The following HNRNPUL1 variants were observed in gnomAD, a reference collection of about 807,000 sequenced individuals.
The protein encoded by HNRNPUL1 is heterogeneous nuclear ribonucleoprotein U like 1.
HNRNPUL1 carries 14 observed loss-of-function variants against 108.5 expected under a neutral mutation model. That is an observed-to-expected ratio of 0.13 (90% CI 0.09 to 0.20). HNRNPUL1 has a LOEUF of 0.20. Ranked by LOEUF, HNRNPUL1 falls within the 10% of genes least tolerant of loss-of-function variation. The probability of loss-of-function intolerance (pLI) is 1.00; values close to 1 mark genes in which losing one functional copy is unlikely to be tolerated. For synonymous variants in HNRNPUL1, 422 were observed against 445.2 expected (o/e 0.95, Z 0.66); for missense variants, 804 against 1,168.3 (o/e 0.69, Z 4.55).
At chr19:41,301,844 C>T (rs2037229989) in intron 11 of HNRNPUL1, 140 bp downstream of exon 11, 1 of 766,112 alleles carries the variant, frequency 1.3e-6, no homozygotes, top group Non-Finnish European at 2.0e-6. Flanking sequence ...TTTGTCCCTT[C>T]CTTGTCTACC....
chr19:41,265,469 A>G lies in HNRNPUL1; in HGVS notation c.295+671A>G. 7 of 1,221,676 alleles carry G rather than the reference A, an allele frequency of 5.7e-6. No homozygotes were observed. The South Asian group carries it at 1.1e-4, about 20-fold the overall frequency. 75.7% of individuals were successfully genotyped at this position (1,221,676 alleles called of 1,614,324 possible). A position where few individuals can be genotyped will look rare whatever the true frequency, so the allele number is the denominator to read the frequency against. On this transcript the variant is annotated intron_variant, in intron 1 of 14. Coordinates refer to ENST00000392006, the MANE Select transcript of HNRNPUL1 (RefSeq NM_007040.6). ...GCTGCGGGAGATTGAACTAGGGGGC[A>G]CCCCCATCTCTCTTCCGGGGCTGGA... is the stretch of plus-strand genomic sequence containing the variant.
In HNRNPUL1 at chr19:41,292,887, C is replaced by G. The variant is rs1568451090; in HGVS notation, c.1266+376C>G. On this transcript the variant is annotated intron_variant, in intron 8 of 14. Coordinates refer to ENST00000392006, the MANE Select transcript of HNRNPUL1 (RefSeq NM_007040.6). This position sits in a 1 kb window ranked among gnomAD's most constrained non-coding sequence, Gnocchi z 4.1. ...AGAGACAGGGTCTCGCTCTGTCACC[C>G]AGGCTGGAGTGCAGTGGTGCGATCA... Among the ~76,000 whole-genome samples, 1 of 152,084 alleles carries G rather than the reference C, an allele frequency of 6.6e-6. No individual in the cohort carries two copies. The highest frequency in any genetic ancestry group is 1.5e-5 in the Non-Finnish European group (1 of 68,006).
At chr19:41,283,469 G>T (rs1367029364) in intron 7 of HNRNPUL1, among the ~76,000 whole-genome samples, 1 of 151,350 alleles carries the variant, frequency 6.6e-6, no homozygotes, top group African/African-American at 2.4e-5. Flanking sequence ...TGTTTGTTTT[G>T]TTTTGAGACG....
intron 1 of HNRNPUL1, chr19:41,265,126 T>A: frequency 1.4e-6 from 2 of 1,415,994 alleles, no homozygotes; most frequent in Non-Finnish European, 9.2e-7. Context: ...CAAGAGGTTT[T>A]CCGTTTGGGT....
intron 11 of HNRNPUL1, 153 bp downstream of exon 11, chr19:41,301,857 A>G: frequency 2.8e-6 from 2 of 708,998 alleles, no homozygotes; most frequent in Non-Finnish European, 4.5e-6. Flanking sequence ...TGTCTACCAC[A>G]GCTGTGAATG....
At chr19:41,295,482 C>T (rs886780067) in intron 10 of HNRNPUL1, among the ~76,000 whole-genome samples, 1 of 152,204 alleles carries the variant, frequency 6.6e-6, no homozygotes, top group African/African-American at 2.4e-5. Flanking sequence ...ATGAGTTCCA[C>T]ATGGTTATTG....
At chr19:41,288,576 G>C (rs981596291) in intron 7 of HNRNPUL1, among the ~76,000 whole-genome samples, 1 of 152,084 alleles carries the variant, frequency 6.6e-6, no homozygotes, top group African/African-American at 2.4e-5. Context: ...ACTACCAAGA[G>C]AGCTTCTTTG....
intron 5 of HNRNPUL1, among the ~76,000 whole-genome samples, chr19:41,277,468 C>A (rs532625293): frequency 6.6e-6 from 1 of 152,318 alleles, no homozygotes; most frequent in South Asian, 2.1e-4. Context: ...AGAAACACTG[C>A]AACAAAATAA....
intron 2 of HNRNPUL1, among the ~76,000 whole-genome samples, chr19:41,270,593 CTTTT>C (rs71177707): frequency 8.4e-6 from 1 of 118,828 alleles, no homozygotes; most frequent in Non-Finnish European, 1.7e-5. Context: ...TCTCCCTTCC[CTTTT>C]TTTTTTTTTT....
rs1044733901 is a variant in HNRNPUL1 at position 41,264,544 on chromosome 19, A to T, written c.41A>T (p.Glu14Val). The change falls in exon 1 of 15, where the codon GAG becomes GTG. Residue 14 changes from glutamate (E) to valine (V), a missense_variant. By Grantham distance (121) the Glu-to-Val change is moderately radical. Coordinates refer to ENST00000392006, the MANE Select transcript of HNRNPUL1 (RefSeq NM_007040.6). ...CTGAAGGTGAACGAACTTCGCGAGGAGCTGCAGCGCCGCGGCCTGGACACT... is the reference window on the plus strand; with the variant it reads ...CTGAAGGTGAACGAACTTCGCGAGGTGCTGCAGCGCCGCGGCCTGGACACT... ...RRLKVNELRE[E>V]LQRRGLDTRG... 1.3e-6 allele frequency: 2 copies of T among 1,499,596 alleles called. No homozygotes were observed. Among genetic ancestry groups the T allele is most frequent in the Non-Finnish European group, 1.8e-6 (2 of 1,126,576 alleles). 92.9% of individuals were successfully genotyped at this position (1,499,596 alleles called of 1,614,324 possible).
At position 41,294,705 on chromosome 19, in the gene HNRNPUL1, T is replaced by C; in HGVS notation, c.1518+19T>C. The C allele has an allele frequency of 6.2e-7, 1 of 1,613,774 alleles. No individual in the cohort carries two copies. The highest frequency in any genetic ancestry group is 8.5e-7 in the Non-Finnish European group (1 of 1,179,850). ...AGATCAGGTACTTAATGATGACCATTGTGTCCTCAGGAGAAGGGAGGGGAC... is the reference window on the plus strand; with the variant it reads ...AGATCAGGTACTTAATGATGACCATCGTGTCCTCAGGAGAAGGGAGGGGAC... On this transcript the variant is annotated intron_variant, in intron 10 of 14. Coordinates refer to ENST00000392006, the MANE Select transcript of HNRNPUL1 (RefSeq NM_007040.6). The surrounding 1 kb of genome is among the most constrained non-coding windows in gnomAD (Gnocchi z 4.3).
At chr19:41,300,941 G>A (rs1214405006) in intron 10 of HNRNPUL1, among the ~76,000 whole-genome samples, 1 of 152,110 alleles carries the variant, frequency 6.6e-6, no homozygotes, top group Non-Finnish European at 1.5e-5. Flanking sequence ...CAAAGGAGCT[G>A]GTTAATTAGT....
intron 7 of HNRNPUL1, among the ~76,000 whole-genome samples, chr19:41,288,685 A>G (rs2036399632): frequency 6.6e-6 from 1 of 152,138 alleles, no homozygotes; most frequent in Non-Finnish European, 1.5e-5. Context: ...GCAGCTTTGT[A>G]TTTAGTGACT....
At chr19:41,272,665 T>G (rs1206680041) in intron 3 of HNRNPUL1, among the ~76,000 whole-genome samples, 2 of 152,224 alleles carry the variant, frequency 1.3e-5, no homozygotes, top group Non-Finnish European at 2.9e-5. Context: ...GGCTGGACAC[T>G]AGCAACATAC....
intron 8 of HNRNPUL1, among the ~76,000 whole-genome samples, chr19:41,293,044 G>A (rs1038864197): frequency 2.0e-5 from 3 of 152,062 alleles, no homozygotes; most frequent in Non-Finnish European, 4.4e-5. Context: ...CCCACCGAGT[G>A]TTCTTGAAGG....
rs1352114390 is a variant in HNRNPUL1 at position 41,264,783 on chromosome 19, G to A, written c.280G>A (p.Gly94Arg). The change falls in exon 1 of 15, where the codon GGG becomes AGG. Residue 94 changes from glycine (G) to arginine (R), a missense_variant. Coordinates refer to ENST00000392006, the MANE Select transcript of HNRNPUL1 (RefSeq NM_007040.6). Reference sequence around the variant, plus strand: ...GCACGCGGAGCCCGGCGGCTACTCGGGGCCGGACGGACATTGTGAGAGTGC... The same window carrying A: ...GCACGCGGAGCCCGGCGGCTACTCGAGGCCGGACGGACATTGTGAGAGTGC... ...QPHAEPGGYS[G>R]PDGHYAMDNI... 1.3e-5 allele frequency: 18 copies of A among 1,366,594 alleles called. No homozygotes were observed. The highest frequency in any genetic ancestry group is 1.6e-5 in the Non-Finnish European group (17 of 1,064,452). The allele number at this position is 1,366,594 out of a possible 1,614,324, so 84.7% of individuals were successfully genotyped here.
At chr19:41,285,501 A>G (rs1424465199) in intron 7 of HNRNPUL1, among the ~76,000 whole-genome samples, 2 of 152,176 alleles carry the variant, frequency 1.3e-5, no homozygotes, top group South Asian at 4.1e-4. Flanking sequence ...CACCATGCCC[A>G]GCAAATTCTG....
chr19:41,288,536 G>GCC (rs1410185359), intron 7 of HNRNPUL1, among the ~76,000 whole-genome samples: 1 of 152,112 alleles, frequency 6.6e-6, no homozygotes, highest in African/African-American at 2.4e-5. Flanking sequence ...GAGCCACCAT[G>GCC]CCCGGCCTTG....
intron 5 of HNRNPUL1, among the ~76,000 whole-genome samples, chr19:41,277,636 A>G (rs1478322930): frequency 6.6e-6 from 1 of 152,130 alleles, no homozygotes; most frequent in Non-Finnish European, 1.5e-5. Flanking sequence ...CCTCCCCAGT[A>G]GCTGGGATTA....
Sources: gnomAD v4.1 joint callset for allele counts (sites outside exome capture counted in the v4.1 genomes callset) on GRCh38, gnomAD v4.1.1 for gene constraint, Gnocchi (gnomAD v3.1) non-coding constraint, MANE v1.5 for transcripts, NCBI Gene and HGNC (gene_info 2026-07-23, HGNC 2026-07-21) for gene names.